VGLL4: variants seen among roughly 807,000 people sequenced by gnomAD.
The protein encoded by VGLL4 is vestigial like family member 4, also known as transcription cofactor vestigial-like protein 4.
VGLL4 carries 7 observed loss-of-function variants against 21.0 expected under a neutral mutation model. The ratio of observed to expected loss-of-function variants is 0.33; its 90% CI spans 0.19 to 0.63. The LOEUF is 0.63. VGLL4 is among the 20% of genes least tolerant of loss of function. The pLI is 0.78. For synonymous variants in VGLL4, 222 were observed against 173.2 expected, an observed-to-expected ratio of 1.28 and a Z score of -2.21; for missense variants, 394 against 425.7, an observed-to-expected ratio of 0.93 and a Z score of 0.66.
chr3:11,574,698 C>T (rs2073975873), intron 2 of VGLL4, among the ~76,000 whole-genome samples: 1 of 152,090 alleles, frequency 6.6e-6, no homozygotes, highest in African/African-American at 2.4e-5. Context: ...AGGCTAACCA[C>T]CCTGAGCTCA....
At chr3:11,571,567 C>G (rs776222222) in intron 2 of VGLL4, among the ~76,000 whole-genome samples, 7 of 152,012 alleles carry the variant, frequency 4.6e-5, no homozygotes, top group South Asian at 2.1e-4. Context: ...GTAATCCCAG[C>G]TACTCAGGAG....
chr3:11,676,394 C>CAAAA (rs1219773138), intron 2 of VGLL4, among the ~76,000 whole-genome samples: 31 of 54,324 alleles, frequency 5.7e-4, no homozygotes, highest in African/African-American at 1.3e-3. Context: ...GACTCTGTCT[C>CAAAA]AAAAAAAAAA....
At chr3:11,598,991 T>G (rs1344293693) in intron 2 of VGLL4, among the ~76,000 whole-genome samples, 1 of 152,208 alleles carries the variant, frequency 6.6e-6, no homozygotes, top group Non-Finnish European at 1.5e-5. Context: ...TGCAGATAAC[T>G]TCTTAGGCAT....
intron 2 of VGLL4, among the ~76,000 whole-genome samples, chr3:11,659,152 A>G (rs2075997849): frequency 6.6e-6 from 1 of 151,886 alleles, no homozygotes; most frequent in South Asian, 2.1e-4. Context: ...CGAAGATCTC[A>G]CTCCACTGGC....
At chr3:11,611,225 C>T (rs2075055453) in intron 1 of VGLL4, among the ~76,000 whole-genome samples, 1 of 152,118 alleles carries the variant, frequency 6.6e-6, no homozygotes, top group African/African-American at 2.4e-5. Context: ...CCCAGTACTG[C>T]AGAGAACATG....
Position 11,622,550 on chromosome 3 carries a change from G to A in VGLL4, c.83-20528C>T, listed in dbSNP as rs536688472. On this transcript the variant is annotated intron_variant, in intron 1 of 4. Transcript: ENST00000430365. ...GCTAGAATGCTCCTCAATTGTTTCCGTCTTGACACAAGGTCAATGGGGACT... is the reference window on the plus strand; with the variant it reads ...GCTAGAATGCTCCTCAATTGTTTCCATCTTGACACAAGGTCAATGGGGACT... 1.3e-4 allele frequency among the ~76,000 whole-genome samples: 20 copies of A among 152,276 alleles called. 1 individual carries two copies. The South Asian group carries it at 3.9e-3, about 30-fold the overall frequency.
chr3:11,589,668 T>C (rs954078812), intron 2 of VGLL4, among the ~76,000 whole-genome samples: 1 of 152,230 alleles, frequency 6.6e-6, no homozygotes, highest in African/African-American at 2.4e-5. Context: ...AACAGACGTT[T>C]GTTTTCTCAC....
At chr3:11,648,675 G>C (rs1255196566), upstream of VGLL4, among the ~76,000 whole-genome samples, 2 of 151,966 alleles carry the variant, frequency 1.3e-5, no homozygotes, top group Non-Finnish European at 2.9e-5. Context: ...GGTATTCAAA[G>C]AACATTTAAA....
intron 1 of VGLL4, among the ~76,000 whole-genome samples, chr3:11,618,215 T>A (rs1575459104): frequency 6.6e-6 from 1 of 152,206 alleles, no homozygotes; most frequent in South Asian, 2.1e-4. Context: ...CAGGCTAATA[T>A]ACAGATATGT....
intron 2 of VGLL4, among the ~76,000 whole-genome samples, chr3:11,586,032 G>T (rs965115540): frequency 6.6e-6 from 1 of 152,024 alleles, no homozygotes; most frequent in Non-Finnish European, 1.5e-5. Flanking sequence ...CTGCAAAGTG[G>T]GACAACTCCT....
rs535778374 is a variant in VGLL4, at chr3:11,679,320, G to A, written c.64+23651C>T. On this transcript the variant is annotated intron_variant, in intron 2 of 5. Transcript: ENST00000273038. ...TCCTGACCCTTGTCTAGGATAATGC[G>A]TGTGTTTGTGCCTGAGTTTTTAACA... Among the ~76,000 whole-genome samples the A allele has an allele frequency of 5.9e-5, 9 of 152,082 alleles. 1 individual carries two copies. In the South Asian group the frequency reaches 6.2e-4, roughly 11 times the overall value.
At chr3:11,610,387 A>ACGCCCATTGCAATG (rs1366204591) in intron 1 of VGLL4, 6 of 151,972 alleles carry the variant, frequency 3.9e-5, no homozygotes, top group Admixed American at 1.3e-4. Flanking sequence ...TTTTTATAGG[A>ACGCCCATTGCAATG]CGCCCATTGC....
intron 2 of VGLL4, chr3:11,702,909 G>T: frequency 6.8e-7 from 1 of 1,465,306 alleles, no homozygotes; most frequent in Non-Finnish European, 9.2e-7. Context: ...ATTTTGTTAT[G>T]GAGCAGAAGA....
chr3:11,588,254 T>C (rs1314525594), intron 2 of VGLL4, among the ~76,000 whole-genome samples: 3 of 152,244 alleles, frequency 2.0e-5, no homozygotes, highest in Non-Finnish European at 4.4e-5. Context: ...GCCCCTGGTC[T>C]GGTGGAACTT....
intron 1 of VGLL4, among the ~76,000 whole-genome samples, chr3:11,620,771 C>G (rs2075251527): frequency 6.6e-6 from 1 of 152,208 alleles, no homozygotes; most frequent in African/African-American, 2.4e-5. Flanking sequence ...CCCTCCTTCC[C>G]TCTCACCCCC....
intron 2 of VGLL4, among the ~76,000 whole-genome samples, chr3:11,675,083 C>A (rs537736237): frequency 5.3e-4 from 81 of 152,262 alleles, no homozygotes; most frequent in African/African-American, 1.9e-3. Flanking sequence ...GGCTCACGCC[C>A]GTAATCCCAA....
intron 2 of VGLL4, among the ~76,000 whole-genome samples, chr3:11,668,435 G>A (rs1466464155): frequency 6.6e-6 from 1 of 152,106 alleles, no homozygotes; most frequent in East Asian, 1.9e-4. Context: ...AGCATCAGTG[G>A]CAGCTGGGAG....
chr3:11,666,688 C>T (rs1188625140), intron 2 of VGLL4, among the ~76,000 whole-genome samples: 2 of 152,194 alleles, frequency 1.3e-5, no homozygotes, highest in Non-Finnish European at 1.5e-5. Context: ...ATAATTACTA[C>T]TCACACTGGA....
intron 2 of VGLL4, among the ~76,000 whole-genome samples, chr3:11,654,292 T>C (rs953024106): frequency 6.6e-6 from 1 of 152,198 alleles, no homozygotes; most frequent in African/African-American, 2.4e-5. Context: ...CAAAGGATAC[T>C]AAGTGCCACA....
Sources: gnomAD v4.1 joint callset for allele counts (sites outside exome capture counted in the v4.1 genomes callset) on GRCh38, gnomAD v4.1.1 for gene constraint, MANE v1.5 for transcripts, NCBI Gene and HGNC (gene_info 2026-07-23, HGNC 2026-07-21) for gene names.